The following CACNG3 variants were observed in gnomAD, a reference collection of about 807,000 sequenced individuals.
CACNG3 encodes the protein voltage-dependent calcium channel gamma-3 subunit.
Under a neutral mutation model 28.5 loss-of-function variants are expected in CACNG3, and 3 were observed. That is an observed-to-expected ratio of 0.11 (90% CI 0.05 to 0.27). The LOEUF (loss-of-function observed/expected upper bound fraction) is 0.27, where lower values mean the gene tolerates loss of function less well. CACNG3 is among the 10% of genes least tolerant of loss of function. The pLI, the probability that CACNG3 is intolerant of heterozygous loss-of-function variation, is 1.00. For synonymous variants in CACNG3, 174 were observed against 162.2 expected (o/e 1.07, Z -0.55); for missense variants, 236 against 414.4 (o/e 0.57, Z 3.74).
In CACNG3 at chr16:24,308,863, A is replaced by G. The variant is rs866674436; in HGVS notation, c.212-37871A>G. Reference sequence around the variant, plus strand: ...TCAAAAAAAAAAAAAAAAAAAAAAAAAAAAGAAAAGAAAAAAGAAAAAGAT... The same window carrying G: ...TCAAAAAAAAAAAAAAAAAAAAAAAGAAAAGAAAAGAAAAAAGAAAAAGAT... On this transcript the variant is annotated intron_variant, in intron 1 of 3. Transcript: ENST00000005284. 1.0e-3 allele frequency among the ~76,000 whole-genome samples: 152 copies of G among 149,536 alleles called. 1 individual carries two copies. In the Middle Eastern group the frequency reaches 0.011, roughly 11 times the overall value.
At chr16:24,264,180 T>G (rs916619033) in intron 1 of CACNG3, among the ~76,000 whole-genome samples, 3 of 152,230 alleles carry the variant, frequency 2.0e-5, no homozygotes, top group African/African-American at 2.4e-5. Flanking sequence ...CTAACCCGGC[T>G]GCACGATGCT....
chr16:24,269,804 A>G (rs2141346905), intron 1 of CACNG3, among the ~76,000 whole-genome samples: 1 of 150,360 alleles, frequency 6.7e-6, no homozygotes, highest in South Asian at 2.1e-4. Flanking sequence ...AGAAAGAAAG[A>G]AAGAGAAAGA....
At chr16:24,314,742 T>A (rs1596639251) in intron 1 of CACNG3, among the ~76,000 whole-genome samples, 1 of 101,184 alleles carries the variant, frequency 9.9e-6, no homozygotes, top group African/African-American at 3.8e-5. Flanking sequence ...CGCCTCCTCC[T>A]CCTCCTCCTC....
At chr16:24,349,222 C>A (rs187309861) in intron 2 of CACNG3, among the ~76,000 whole-genome samples, 4,496 of 152,036 alleles carry the variant, frequency 0.03, 177 homozygotes, top group African/African-American at 0.092. Flanking sequence ...TCTGTTGTTT[C>A]TTCTTTTCTC....
At chr16:24,292,425 T>C (rs1353251835) in intron 1 of CACNG3, among the ~76,000 whole-genome samples, 1 of 152,180 alleles carries the variant, frequency 6.6e-6, no homozygotes, top group African/African-American at 2.4e-5. Flanking sequence ...TGCTGGACAC[T>C]GATTCCTTTT....
chr16:24,294,701 C>G (rs1031717786), intron 1 of CACNG3, among the ~76,000 whole-genome samples: 1 of 151,918 alleles, frequency 6.6e-6, no homozygotes, highest in African/African-American at 2.4e-5. Flanking sequence ...GTACCCAGCA[C>G]AAATAAGATA....
intron 1 of CACNG3, among the ~76,000 whole-genome samples, chr16:24,336,156 C>T (rs1349698847): frequency 4.6e-5 from 7 of 151,448 alleles, no homozygotes; most frequent in African/African-American, 1.2e-4. Flanking sequence ...CCCTGGGAGG[C>T]GGAGGTTGCA....
intron 1 of CACNG3, among the ~76,000 whole-genome samples, chr16:24,272,375 C>CT (rs570636843): frequency 1.4e-4 from 21 of 149,484 alleles, no homozygotes; most frequent in East Asian, 5.8e-4. Flanking sequence ...AAATCTCTCT[C>CT]TTTTTTTTTT....
intron 1 of CACNG3, among the ~76,000 whole-genome samples, chr16:24,263,905 G>T (rs1230322952): frequency 3.3e-5 from 5 of 152,240 alleles, no homozygotes; most frequent in African/African-American, 4.8e-5. Context: ...TAGTTCCTCA[G>T]TGAGGTACCT....
intron 1 of CACNG3, among the ~76,000 whole-genome samples, chr16:24,284,000 G>T: frequency 6.6e-6 from 1 of 152,240 alleles, no homozygotes; most frequent in Middle Eastern, 3.4e-3. Context: ...TTACATTTTT[G>T]ATAGTTATTG....
intron 1 of CACNG3, among the ~76,000 whole-genome samples, chr16:24,327,453 T>TAC (rs1439092574): frequency 1.1e-4 from 13 of 114,162 alleles, no homozygotes; most frequent in African/African-American, 4.6e-4. Flanking sequence ...TATATATATA[T>TAC]ATACACACAC....
chr16:24,305,161 C>G (rs760411147), intron 1 of CACNG3, among the ~76,000 whole-genome samples: 2 of 151,874 alleles, frequency 1.3e-5, no homozygotes, highest in Non-Finnish European at 2.9e-5. Flanking sequence ...GACAAATGTG[C>G]CATTCTGGTG....
At position 24,346,925 on chromosome 16, in the gene CACNG3, A is replaced by G. The variant is rs1006731150; in HGVS notation, c.295+108A>G. On this transcript the variant is annotated intron_variant, in intron 2 of 3. Coordinates refer to ENST00000005284, the MANE Select transcript of CACNG3 (RefSeq NM_006539.4). The stretch of plus-strand genomic sequence containing the variant: ...CCTCAGCATCTGTCCCTAGAAATAG[A>G]TAAGTGCAAAGAAGCCCCATGTGCC... 5 of 826,926 alleles carry G rather than the reference A, an allele frequency of 6.0e-6. No homozygotes were observed. The Admixed American group carries it at 8.3e-5, about 14-fold the overall frequency. The allele number at this position is 826,926 out of a possible 1,614,324, so 51.2% of individuals were successfully genotyped here.
intron 1 of CACNG3, among the ~76,000 whole-genome samples, chr16:24,258,899 ATATC>A (rs1426233980): frequency 2.0e-5 from 3 of 152,226 alleles, no homozygotes; most frequent in Non-Finnish European, 1.5e-5. Context: ...AAAAAAATAT[ATATC>A]TATAAGAGCA....
chr16:24,281,964 A>C (rs2283551), intron 1 of CACNG3, among the ~76,000 whole-genome samples: 38,540 of 152,056 alleles, frequency 0.25, 5,158 homozygotes, highest in East Asian at 0.45. Flanking sequence ...AGATGGTAAA[A>C]GATGGAGCCA....
chr16:24,320,506 C>T (rs80256547), intron 1 of CACNG3, among the ~76,000 whole-genome samples: 4,746 of 152,110 alleles, frequency 0.031, 95 homozygotes, highest in South Asian at 0.051. Flanking sequence ...ATTTCAGGAG[C>T]TTGGATAAGG....
intron 1 of CACNG3, among the ~76,000 whole-genome samples, chr16:24,257,399 GA>G (rs1898478014): frequency 6.9e-6 from 1 of 145,634 alleles, no homozygotes; most frequent in African/African-American, 2.5e-5. Context: ...GAGAGAGAGA[GA>G]GAGAGAGAGA....
intron 1 of CACNG3, among the ~76,000 whole-genome samples, chr16:24,338,244 T>A (rs1429528052): frequency 1.3e-5 from 2 of 152,194 alleles, no homozygotes; most frequent in African/African-American, 2.4e-5. Context: ...CAAGTGTCCC[T>A]TCTGCAACAA....
intron 1 of CACNG3, among the ~76,000 whole-genome samples, chr16:24,282,837 T>A (rs1898847429): frequency 1.3e-5 from 2 of 152,176 alleles, no homozygotes; most frequent in African/African-American, 4.8e-5. Flanking sequence ...TTCTACACAC[T>A]CTCTTTTGAA....
Sources: allele counts gnomAD v4.1 joint callset (sites outside exome capture counted in the v4.1 genomes callset), GRCh38; gene constraint gnomAD v4.1.1; transcripts MANE v1.5; gene names NCBI Gene and HGNC (gene_info 2026-07-23, HGNC 2026-07-21).